The following UTP25 variants were observed in gnomAD, a reference collection of about 807,000 sequenced individuals.
The protein encoded by UTP25 is U3 small nucleolar RNA-associated protein 25 homolog.
A neutral mutation model predicts 78.9 loss-of-function variants in UTP25; 50 were observed. The ratio of observed to expected loss-of-function variants is 0.63; its 90% CI spans 0.50 to 0.80. The LOEUF (loss-of-function observed/expected upper bound fraction) is 0.80. Among genes scored for constraint, UTP25 ranks in the 30% least tolerant of loss-of-function variants. The probability of loss-of-function intolerance (pLI) is 0.00; values close to 1 mark genes in which losing one functional copy is unlikely to be tolerated. For synonymous variants in UTP25, 329 were observed against 336.5 expected, an observed-to-expected ratio of 0.98 and a Z score of 0.24; for missense variants, 846 against 911.3, an observed-to-expected ratio of 0.93 and a Z score of 0.92.
At chr1:209,835,227 G>A in intron 5 of UTP25, 64 bp downstream of exon 5, 1 of 1,407,864 alleles carries the variant, frequency 7.1e-7, no homozygotes, top group Non-Finnish European at 1.0e-6. Flanking sequence ...AGTGGTCTTG[G>A]GTTTTAGTGG....
Position 209,833,296 on chromosome 1 carries a change from G to T in UTP25, c.500G>T (p.Ser167Ile). The T allele has an allele frequency of 6.3e-7, 1 of 1,596,580 alleles. No homozygotes were observed. Among genetic ancestry groups the T allele is most frequent in the South Asian group, 1.1e-5 (1 of 87,298 alleles). The change falls in exon 4 of 12, where the codon AGC (serine) becomes ATC (isoleucine). Residue 167 changes from serine to isoleucine, a missense_variant. By Grantham distance (142) the Ser-to-Ile change is moderately radical. Coordinates refer to ENST00000491415, the MANE Select transcript of UTP25 (RefSeq NM_014388.7). The part of the protein sequence containing the change: ...FTDAKHESLF[S>I]LETNFLEEES... ...GATGCAAAACACGAGTCACTGTTCA[G>T]CCTGGAAACCAATTTTCTGGAAGAG...
At chr1:209,828,261 TTTCCCACTA>T in intron 1 of UTP25, 91 bp downstream of exon 1, 1 of 949,296 alleles carries the variant, frequency 1.1e-6, no homozygotes, top group Non-Finnish European at 1.6e-6. Context: ...GCTCCGGCCT[TTTCCCACTA>T]TTCCCTGGCT....
At chr1:209,849,505 G>A (rs1001503288) in intron 11 of UTP25, among the ~76,000 whole-genome samples, 6 of 152,100 alleles carry the variant, frequency 3.9e-5, no homozygotes, top group South Asian at 2.1e-4. Context: ...GCCTGCCTGC[G>A]ATTAGGGGTG....
In UTP25 at chr1:209,828,234, G is replaced by T. The variant is rs181573479; in HGVS notation, c.107+64G>T. ...ATGTATCCTCGAGTTTGGTCCTCTGGTCTCCCAGATAGTGCTGCTCCGGCC... is the reference window on the plus strand; with the variant it reads ...ATGTATCCTCGAGTTTGGTCCTCTGTTCTCCCAGATAGTGCTGCTCCGGCC... On this transcript the variant is annotated intron_variant, in intron 1 of 11. Transcript: ENST00000491415. 2.5e-4 allele frequency: 324 copies of T among 1,289,538 alleles called. No individual in the cohort carries two copies. The African/African-American group carries it at 4.3e-3, about 17-fold the overall frequency. 79.9% of individuals were successfully genotyped at this position (1,289,538 alleles called of 1,614,324 possible).
intron 1 of UTP25, among the ~76,000 whole-genome samples, chr1:209,829,486 C>CT (rs200092993): frequency 0.017 from 2,466 of 141,396 alleles, 87 homozygotes; most frequent in African/African-American, 0.056. Flanking sequence ...CTTTTCTTTT[C>CT]TTTTTTCTTT....
chr1:209,831,106 C>T, intron 3 of UTP25, 63 bp downstream of exon 3: 1 of 1,555,634 alleles, frequency 6.4e-7, no homozygotes, highest in Non-Finnish European at 8.8e-7. Context: ...ATCTCATGAG[C>T]ATGGTACCTT....
At chr1:209,832,044 A>T (rs976167701) in intron 3 of UTP25, among the ~76,000 whole-genome samples, 1 of 151,282 alleles carries the variant, frequency 6.6e-6, no homozygotes, top group Non-Finnish European at 1.5e-5. Flanking sequence ...ATTTTAACTG[A>T]TCAGTTTTAC....
rs958892488 is a variant in UTP25 at position 209,856,939 on chromosome 1, T to C, written c.*5492T>C. On this transcript the variant is annotated 3_prime_UTR_variant, in exon 12 of 12. Transcript: ENST00000491415. ...TTAGCAAGAGAACAGACTTCAGCTC[T>C]CTGAAGGCTGATGACCACCTGTTTC... 1 of 152,258 alleles carries C rather than the reference T, an allele frequency of 6.6e-6. No homozygotes were observed. The allele number at this position is 152,258 out of a possible 1,614,324, so 9.4% of individuals were successfully genotyped here.
In UTP25 at chr1:209,838,975, G is replaced by A. The variant is rs761990820; in HGVS notation, c.1129G>A (p.Glu377Lys). Residue 377 changes from glutamate (E) to lysine (K), a missense_variant, in exon 7 of 12, where the codon GAG (glutamate) becomes AAG (lysine). By Grantham distance (56) the Glu-to-Lys change is moderately conservative. Coordinates refer to ENST00000491415, the MANE Select transcript of UTP25 (RefSeq NM_014388.7). The part of the protein sequence containing the change: ...RVVQLFISLL[E>K]GDSKKKIIVS... ...GGTGCAGCTCTTCATCAGCCTCCTCGAGGGTGACAGCAAGAAGAAAATCAT... is the reference window on the plus strand; with the variant it reads ...GGTGCAGCTCTTCATCAGCCTCCTCAAGGGTGACAGCAAGAAGAAAATCAT... 54 of 1,613,962 alleles carry A rather than the reference G, an allele frequency of 3.3e-5. No individual in the cohort carries two copies. The highest frequency in any genetic ancestry group is 1.6e-4 in the Middle Eastern group (1 of 6,084).
chr1:209,841,097 T>G (rs752555932), intron 8 of UTP25, 42 bp downstream of exon 8: 2 of 1,604,640 alleles, frequency 1.2e-6, no homozygotes, highest in South Asian at 2.2e-5. Flanking sequence ...GTATTCATAT[T>G]TAGAGGGATA....
chr1:209,830,775 G>C (rs1032978034), intron 2 of UTP25, 28 bp from the exon 3 acceptor site: 2 of 1,605,652 alleles, frequency 1.2e-6, no homozygotes, highest in Non-Finnish European at 1.7e-6. Context: ...TATAGTTTTT[G>C]TTCTTAAAAT....
intron 11 of UTP25, among the ~76,000 whole-genome samples, chr1:209,845,296 C>G (rs927948324): frequency 6.6e-6 from 1 of 152,202 alleles, no homozygotes; most frequent in East Asian, 1.9e-4. Flanking sequence ...ATTATTTGCT[C>G]TGTTCCAGTA....
intron 5 of UTP25, 66 bp from the exon 6 acceptor site, chr1:209,836,735 G>A (rs1282169106): frequency 1.9e-5 from 29 of 1,507,742 alleles, no homozygotes; most frequent in Non-Finnish European, 2.3e-5. Flanking sequence ...GCTAAATATA[G>A]TACTATGTGA....
At chr1:209,835,230 T>G in intron 5 of UTP25, 67 bp downstream of exon 5, 1 of 1,364,614 alleles carries the variant, frequency 7.3e-7, no homozygotes, top group South Asian at 1.2e-5. Flanking sequence ...GGTCTTGGGT[T>G]TTAGTGGCCT....
chr1:209,833,147 G>A (rs572539463), intron 3 of UTP25, 38 bp from the exon 4 acceptor site: 1 of 1,572,558 alleles, frequency 6.4e-7, no homozygotes, highest in South Asian at 1.2e-5. Context: ...TATAATTTGT[G>A]AGTAAATAAT....
Position 209,831,049 on chromosome 1 carries a change from T to C in UTP25, c.388+6T>C. On this transcript the variant is annotated splice_donor_region_variant and intron_variant, in intron 3 of 11. Coordinates refer to ENST00000491415, the MANE Select transcript of UTP25 (RefSeq NM_014388.7). ...GTCTACTGAAAGTCCAGAGAGTAAG[T>C]GTCTTTACTATAGGCTCATCATCTT... 8.1e-6 allele frequency: 13 copies of C among 1,614,010 alleles called. No homozygotes were observed. The highest frequency in any genetic ancestry group is 1.0e-5 in the Non-Finnish European group (12 of 1,179,912).
intron 11 of UTP25, among the ~76,000 whole-genome samples, chr1:209,849,121 C>T (rs1266949203): frequency 6.6e-6 from 1 of 152,124 alleles, no homozygotes; most frequent in Non-Finnish European, 1.5e-5. Context: ...CCTTGCAAGG[C>T]ATGAAGTCGG....
chr1:209,828,359 T>G (rs555385030), intron 1 of UTP25, among the ~76,000 whole-genome samples, 189 bp downstream of exon 1: 2 of 151,658 alleles, frequency 1.3e-5, no homozygotes, highest in Non-Finnish European at 2.9e-5. Flanking sequence ...TTGTTGAGCC[T>G]GTAATTTCCT....
At chr1:209,841,595 T>C (rs1023367786) in intron 8 of UTP25, among the ~76,000 whole-genome samples, 2 of 152,198 alleles carry the variant, frequency 1.3e-5, no homozygotes, top group African/African-American at 4.8e-5. Context: ...TGTTATCAGT[T>C]TTAGGACTGA....
Sources: gnomAD v4.1 joint callset for allele counts (sites outside exome capture counted in the v4.1 genomes callset) on GRCh38, gnomAD v4.1.1 for gene constraint, MANE v1.5 for transcripts, NCBI Gene and HGNC (gene_info 2026-07-23, HGNC 2026-07-21) for gene names.